Variants in RNF111 observed in about 807,000 individuals in gnomAD.
RNF111 encodes the protein ring finger protein 111.
A neutral mutation model predicts 95.1 loss-of-function variants in RNF111; 17 were observed. The observed-to-expected ratio is 0.18, with a 90% CI of 0.12 to 0.27. The LOEUF is 0.27. Ranked by LOEUF, RNF111 falls within the 10% of genes least tolerant of loss-of-function variation. RNF111 has a pLI of 1.00. For synonymous variants in RNF111, 440 were observed against 414.8 expected, an observed-to-expected ratio of 1.06 and a Z score of -0.74; for missense variants, 1,189 against 1,210.4, an observed-to-expected ratio of 0.98 and a Z score of 0.26.
intron 1 of RNF111, among the ~76,000 whole-genome samples, chr15:59,010,176 T>G (rs1342778046): frequency 3.9e-5 from 6 of 152,236 alleles, no homozygotes; most frequent in Non-Finnish European, 7.3e-5. Context: ...TTTATGCTGC[T>G]AATTATATAT....
At position 59,083,836 on chromosome 15, in the gene RNF111, ATCAC is replaced by A. The variant is rs2078820251; in HGVS notation, c.2298-291_2298-288del. On this transcript the variant is annotated intron_variant, in intron 8 of 13. Coordinates refer to ENST00000348370, the MANE Select transcript of RNF111 (RefSeq NM_017610.8). The stretch of plus-strand genomic sequence containing the variant: ...TTCCTATTATTCTCCTATTTAAAAT[ATCAC>A]TTGTAAAGAAGGTGTACAAGATAAT... The A allele has an allele frequency of 2.8e-5, 5 of 176,238 alleles. No individual in the cohort carries two copies. In the South Asian group the frequency reaches 9.8e-4, roughly 35 times the overall value. 10.9% of individuals were successfully genotyped at this position (176,238 alleles called of 1,614,324 possible).
At chr15:59,062,456 G>A (rs2042481133) in intron 5 of RNF111, among the ~76,000 whole-genome samples, 1 of 152,054 alleles carries the variant, frequency 6.6e-6, no homozygotes, top group East Asian at 1.9e-4. Flanking sequence ...CTCTCCATGT[G>A]GTCCTTGTGT....
intron 7 of RNF111, among the ~76,000 whole-genome samples, chr15:59,080,690 CATATA>C (rs1420556753): frequency 6.6e-6 from 1 of 151,848 alleles, no homozygotes; most frequent in Non-Finnish European, 1.5e-5. Flanking sequence ...TTGGTGTGTT[CATATA>C]ATAGAATGTT....
rs555971583 is a variant in RNF111, at chr15:59,025,319, C to G, written c.-19-5485C>G. ...ATTGAGTACATTATTAGGTTGTGTA[C>G]TCCTAGCAGAAATCTCTTGAGAAAT... is the stretch of plus-strand genomic sequence containing the variant. On this transcript the variant is annotated intron_variant, in intron 1 of 13. Transcript: ENST00000348370. Among the ~76,000 whole-genome samples, 61 of 152,322 alleles carry G rather than the reference C, an allele frequency of 4.0e-4. No individual in the cohort carries two copies. The Middle Eastern group carries it at 0.02, about 51-fold the overall frequency.
chr15:59,019,370 C>T (rs2040222680), intron 1 of RNF111, among the ~76,000 whole-genome samples: 1 of 151,908 alleles, frequency 6.6e-6, no homozygotes, highest in African/African-American at 2.4e-5. Context: ...TTTTTAAAGG[C>T]CTGATATGTC....
At chr15:59,060,878 T>G (rs1331731860) in intron 5 of RNF111, among the ~76,000 whole-genome samples, 4 of 151,814 alleles carry the variant, frequency 2.6e-5, no homozygotes, top group African/African-American at 9.7e-5. Flanking sequence ...CTTGTCTCAC[T>G]GCAATCTCCA....
chr15:59,002,827 G>A (rs1227534758), intron 1 of RNF111, among the ~76,000 whole-genome samples: 5 of 151,984 alleles, frequency 3.3e-5, no homozygotes, highest in Non-Finnish European at 7.4e-5. Context: ...GCATATTCCT[G>A]TCACATAGTC....
Position 59,024,401 on chromosome 15 carries a change from T to C in RNF111, c.-19-6403T>C, listed in dbSNP as rs541849736. Among the ~76,000 whole-genome samples the C allele has an allele frequency of 3.3e-5, 5 of 152,312 alleles. No homozygotes were observed. In the East Asian group the frequency reaches 9.7e-4, roughly 29 times the overall value. ...GATCTGCCTAGATGAGATTCCTGCT[T>C]CCTTGGAACTTATATTCTACTGAGA... On this transcript the variant is annotated intron_variant, in intron 1 of 13. Coordinates refer to ENST00000348370, the MANE Select transcript of RNF111 (RefSeq NM_017610.8).
chr15:59,045,661 G>A (rs953109328), intron 2 of RNF111, among the ~76,000 whole-genome samples: 67 of 152,116 alleles, frequency 4.4e-4, no homozygotes, highest in African/African-American at 1.5e-3. Flanking sequence ...ATGACTTGTC[G>A]TTGATACATA....
intron 1 of RNF111, among the ~76,000 whole-genome samples, chr15:58,994,479 T>A (rs1348594351): frequency 7.2e-6 from 1 of 138,632 alleles, no homozygotes; most frequent in East Asian, 2.1e-4. Flanking sequence ...CTCTCTTTTT[T>A]TTTTTTTTTT....
At chr15:59,068,078 G>A (rs561281221) in intron 6 of RNF111, among the ~76,000 whole-genome samples, 2 of 152,148 alleles carry the variant, frequency 1.3e-5, no homozygotes, top group South Asian at 4.1e-4. Context: ...TCACTTCCAT[G>A]TACGATTATG....
At chr15:59,029,385 C>G (rs1446502187) in intron 1 of RNF111, among the ~76,000 whole-genome samples, 2 of 152,130 alleles carry the variant, frequency 1.3e-5, no homozygotes, top group Non-Finnish European at 2.9e-5. Context: ...TCTTTGTATT[C>G]CTGGTTTATC....
chr15:59,038,058 GTTAAT>G (rs2041269164), intron 2 of RNF111, among the ~76,000 whole-genome samples: 1 of 152,122 alleles, frequency 6.6e-6, no homozygotes, highest in African/African-American at 2.4e-5. Flanking sequence ...TTGAAAAAAT[GTTAAT>G]TTAGAGTTAG....
chr15:59,029,021 C>G (rs1369560007), intron 1 of RNF111, among the ~76,000 whole-genome samples: 2 of 152,156 alleles, frequency 1.3e-5, no homozygotes, highest in African/African-American at 4.8e-5. Flanking sequence ...CTCCAGTGAT[C>G]CGCCCGCCTT....
intron 1 of RNF111, among the ~76,000 whole-genome samples, chr15:59,004,361 G>T (rs1365632992): frequency 6.6e-6 from 1 of 152,192 alleles, no homozygotes; most frequent in Non-Finnish European, 1.5e-5. Context: ...ATAGGTAAAT[G>T]TGTGTAGATG....
intron 1 of RNF111, among the ~76,000 whole-genome samples, chr15:59,001,785 G>A (rs924479747): frequency 5.9e-5 from 9 of 152,084 alleles, no homozygotes; most frequent in African/African-American, 2.2e-4. Flanking sequence ...CATGTTTAAA[G>A]AACTAAGTAC....
intron 1 of RNF111, among the ~76,000 whole-genome samples, chr15:59,013,161 T>C (rs1005112910): frequency 3.3e-5 from 5 of 152,210 alleles, no homozygotes; most frequent in Non-Finnish European, 7.3e-5. Flanking sequence ...TCAGGGGAAG[T>C]TTGTAAATAA....
chr15:59,018,051 G>A (rs149828781), intron 1 of RNF111, among the ~76,000 whole-genome samples: 129 of 152,160 alleles, frequency 8.5e-4, no homozygotes, highest in African/African-American at 2.9e-3. Flanking sequence ...GAGGCACCAC[G>A]CCCGGCCTAT....
Position 58,987,692 on chromosome 15 carries a change from A to G in RNF111, c.-396A>G. 5.7e-6 allele frequency: 1 copy of G among 175,674 alleles called. No homozygotes were observed. The highest frequency in any genetic ancestry group is 1.2e-5 in the Non-Finnish European group (1 of 85,606). The allele number at this position is 175,674 out of a possible 1,614,324, so 10.9% of individuals were successfully genotyped here. On this transcript the variant is annotated 5_prime_UTR_variant, in exon 1 of 14. Coordinates refer to ENST00000348370, the MANE Select transcript of RNF111 (RefSeq NM_017610.8). ...TCGTGCTCTCCTCGGTAGGGGAGGA[A>G]TTGGTTAGGCGGCGGCGGCGGCGAA...
Sources: allele counts gnomAD v4.1 joint callset (sites outside exome capture counted in the v4.1 genomes callset), GRCh38; gene constraint gnomAD v4.1.1; transcripts MANE v1.5; gene names NCBI Gene and HGNC (gene_info 2026-07-23, HGNC 2026-07-21).